ITGBL1: variants seen among roughly 807,000 people sequenced by gnomAD.
ITGBL1 encodes the protein integrin subunit beta like 1, also known as integrin beta-like protein 1.
Under a neutral mutation model 68.5 loss-of-function variants are expected in ITGBL1, and 51 were observed. The observed-to-expected ratio is 0.74, with a 90% CI of 0.59 to 0.94. The LOEUF (loss-of-function observed/expected upper bound fraction) is 0.94. Ranked by LOEUF, ITGBL1 falls within the 40% of genes least tolerant of loss-of-function variation. ITGBL1 has a pLI of 0.00. For synonymous variants in ITGBL1, 209 were observed against 227.3 expected, an observed-to-expected ratio of 0.92 and a Z score of 0.72; for missense variants, 649 against 647.4, an observed-to-expected ratio of 1.00 and a Z score of -0.03.
intron 7 of ITGBL1, among the ~76,000 whole-genome samples, chr13:101,652,770 AAAG>A (rs1442059963): frequency 6.6e-6 from 1 of 152,156 alleles, no homozygotes; most frequent in Non-Finnish European, 1.5e-5. Flanking sequence ...TAGACGCACC[AAAG>A]TTACCTCAAT....
chr13:101,517,302 C>T (rs149636785), intron 2 of ITGBL1, among the ~76,000 whole-genome samples: 139 of 152,250 alleles, frequency 9.1e-4, no homozygotes, highest in African/African-American at 3.2e-3. Context: ...ATCCAGAGAC[C>T]TTCCTATCTG....
intron 7 of ITGBL1, among the ~76,000 whole-genome samples, chr13:101,614,397 G>A (rs1303969399): frequency 1.3e-5 from 2 of 152,058 alleles, no homozygotes; most frequent in African/African-American, 4.8e-5. Context: ...TTTCCATGTT[G>A]TCTTTTTTCC....
chr13:101,634,732 G>T (rs953306460), intron 7 of ITGBL1, among the ~76,000 whole-genome samples: 1 of 152,044 alleles, frequency 6.6e-6, no homozygotes, highest in African/African-American at 2.4e-5. Context: ...TTCAGTGGGG[G>T]ATATAAACAA....
chr13:101,521,597 G>C (rs9585722), intron 2 of ITGBL1, among the ~76,000 whole-genome samples: 92,337 of 151,628 alleles, frequency 0.61, 28,522 homozygotes, highest in South Asian at 0.67. Context: ...GGTGGGGACA[G>C]AAGATGCCAT....
At chr13:101,616,085 GA>G (rs1462264492) in intron 7 of ITGBL1, among the ~76,000 whole-genome samples, 2 of 152,166 alleles carry the variant, frequency 1.3e-5, no homozygotes, top group East Asian at 3.9e-4. Flanking sequence ...AAAAGAAAGA[GA>G]AAAACATAAA....
At chr13:101,522,444 G>C (rs2139137007) in intron 2 of ITGBL1, among the ~76,000 whole-genome samples, 1 of 152,280 alleles carries the variant, frequency 6.6e-6, no homozygotes, top group South Asian at 2.1e-4. Flanking sequence ...ATGTCATAGA[G>C]AAATTTGAGT....
chr13:101,602,049 TCTCA>T (rs2030418080), intron 7 of ITGBL1, among the ~76,000 whole-genome samples: 1 of 152,030 alleles, frequency 6.6e-6, no homozygotes, highest in Non-Finnish European at 1.5e-5. Context: ...ACACAGACAC[TCTCA>T]CTCACTGTCA....
intron 2 of ITGBL1, among the ~76,000 whole-genome samples, chr13:101,465,653 G>T (rs528669118): frequency 6.6e-6 from 1 of 152,220 alleles, no homozygotes; most frequent in Non-Finnish European, 1.5e-5. Flanking sequence ...GGAGAAACAG[G>T]CCCTATTATC....
At chr13:101,627,247 TA>T (rs987761468) in intron 7 of ITGBL1, among the ~76,000 whole-genome samples, 3 of 152,178 alleles carry the variant, frequency 2.0e-5, no homozygotes, top group African/African-American at 7.2e-5. Context: ...CCACAGACCA[TA>T]GCTTGTAGAA....
At chr13:101,503,433 T>C (rs1319171475) in intron 2 of ITGBL1, among the ~76,000 whole-genome samples, 2 of 152,040 alleles carry the variant, frequency 1.3e-5, no homozygotes, top group Non-Finnish European at 2.9e-5. Flanking sequence ...GAAACACTAT[T>C]CTGAAATAAT....
chr13:101,586,236 C>T (rs919489140), intron 6 of ITGBL1, among the ~76,000 whole-genome samples: 3 of 152,188 alleles, frequency 2.0e-5, no homozygotes. Flanking sequence ...TTCTTTCATA[C>T]CCTATGAGAT....
At chr13:101,675,503 C>T (rs1231575738) in intron 7 of ITGBL1, among the ~76,000 whole-genome samples, 2 of 152,182 alleles carry the variant, frequency 1.3e-5, no homozygotes, top group African/African-American at 4.8e-5. Flanking sequence ...CATAGCCTTC[C>T]CTTTGTGTCT....
chr13:101,520,683 G>C (rs1419680931), intron 2 of ITGBL1, among the ~76,000 whole-genome samples: 1 of 152,144 alleles, frequency 6.6e-6, no homozygotes, highest in Non-Finnish European at 1.5e-5. Context: ...AGGCTGCCTC[G>C]CTGGAACCAA....
At chr13:101,610,860 T>G (rs569704109) in intron 7 of ITGBL1, among the ~76,000 whole-genome samples, 1 of 152,284 alleles carries the variant, frequency 6.6e-6, no homozygotes, top group East Asian at 1.9e-4. Context: ...GCTCAATTTG[T>G]GTGCAAATAT....
At chr13:101,658,736 A>G (rs1291830552) in intron 7 of ITGBL1, among the ~76,000 whole-genome samples, 1 of 152,160 alleles carries the variant, frequency 6.6e-6, no homozygotes, top group East Asian at 1.9e-4. Context: ...GAAAGATGCA[A>G]ATGAGCAGCT....
At chr13:101,592,517 A>C (rs2050672154) in intron 6 of ITGBL1, among the ~76,000 whole-genome samples, 1 of 152,122 alleles carries the variant, frequency 6.6e-6, no homozygotes, top group African/African-American at 2.4e-5. Flanking sequence ...GACACAAATA[A>C]ATGGAAAGAT....
chr13:101,599,752 T>C (rs2030237523), intron 7 of ITGBL1, among the ~76,000 whole-genome samples: 1 of 152,220 alleles, frequency 6.6e-6, no homozygotes, highest in Non-Finnish European at 1.5e-5. Flanking sequence ...GTTGTAGATA[T>C]GCGGCATTAT....
chr13:101,475,091 G>A (rs1115028), intron 2 of ITGBL1, among the ~76,000 whole-genome samples: 21,656 of 152,054 alleles, frequency 0.14, 2,048 homozygotes, highest in East Asian at 0.43. Context: ...CAAACAAACT[G>A]AATAAGGCAC....
At chr13:101,542,213 A>G (rs2049719640) in intron 2 of ITGBL1, among the ~76,000 whole-genome samples, 1 of 152,174 alleles carries the variant, frequency 6.6e-6, no homozygotes, top group Admixed American at 6.5e-5. Context: ...ATTTCCCTGT[A>G]CACACTACTT....
Sources: allele counts gnomAD v4.1 joint callset (sites outside exome capture counted in the v4.1 genomes callset), GRCh38; gene constraint gnomAD v4.1.1; transcripts MANE v1.5; gene names NCBI Gene and HGNC (gene_info 2026-07-23, HGNC 2026-07-21).